ZFHX3: variants seen among roughly 807,000 people sequenced by gnomAD.
The protein encoded by ZFHX3 is zinc finger homeobox protein 3.
A neutral mutation model predicts 279.1 loss-of-function variants in ZFHX3; 42 were observed. The ratio of observed to expected loss-of-function variants is 0.15; its 90% CI spans 0.12 to 0.19. The LOEUF is 0.19. Ranked by LOEUF, ZFHX3 falls within the 10% of genes least tolerant of loss-of-function variation. The pLI, the probability that ZFHX3 is intolerant of heterozygous loss-of-function variation, is 1.00. For missense variants in ZFHX3, 4,981 were observed against 4,754.0 expected (o/e 1.05, Z -1.40); for synonymous variants, 2,293 against 1,957.8 (o/e 1.17, Z -4.52).
intron 1 of ZFHX3, among the ~76,000 whole-genome samples, chr16:73,034,847 T>G (rs897423312): frequency 6.6e-6 from 1 of 152,164 alleles, no homozygotes; most frequent in Admixed American, 6.5e-5. Flanking sequence ...AATGTCACAG[T>G]TCTATCTCCT....
intron 1 of ZFHX3, among the ~76,000 whole-genome samples, chr16:73,023,090 G>C (rs1741047364): frequency 6.6e-6 from 1 of 152,190 alleles, no homozygotes; most frequent in Non-Finnish European, 1.5e-5. Context: ...AGCCTGGCGT[G>C]GTGGCCCATG....
At chr16:73,715,487 C>T (rs908875854) in intron 1 of ZFHX3, among the ~76,000 whole-genome samples, 1 of 151,052 alleles carries the variant, frequency 6.6e-6, no homozygotes, top group Non-Finnish European at 1.5e-5. Flanking sequence ...ATGGAGGTGT[C>T]ACCATCCCAT....
intron 4 of ZFHX3, among the ~76,000 whole-genome samples, chr16:73,282,181 G>A (rs115899768): frequency 8.5e-4 from 129 of 152,262 alleles, no homozygotes; most frequent in African/African-American, 3.0e-3. Context: ...CTTGTTCCCA[G>A]TCCTAAGTAG....
chr16:72,799,516 A>C (rs1037599191), intron 8 of ZFHX3, among the ~76,000 whole-genome samples: 1 of 152,200 alleles, frequency 6.6e-6, no homozygotes. Context: ...ACAGAGGTCT[A>C]ACCATTCATC....
At chr16:73,883,705 A>G (rs528067622) in intron 1 of ZFHX3, among the ~76,000 whole-genome samples, 140 of 152,124 alleles carry the variant, frequency 9.2e-4, no homozygotes, top group African/African-American at 3.3e-3. Context: ...CTAAGTGAAT[A>G]TTTTTATAAA....
At chr16:73,596,619 C>CT (rs1309963256) in intron 2 of ZFHX3, among the ~76,000 whole-genome samples, 1 of 152,166 alleles carries the variant, frequency 6.6e-6, no homozygotes, top group Admixed American at 6.5e-5. Flanking sequence ...CCCATCTCAG[C>CT]TTTAATATTA....
intron 4 of ZFHX3, among the ~76,000 whole-genome samples, chr16:72,840,512 A>G (rs2037319624): frequency 1.3e-5 from 2 of 152,222 alleles, no homozygotes; most frequent in Admixed American, 1.3e-4. Flanking sequence ...GCAAAAAAGC[A>G]AAGAGAAAAA....
chr16:73,772,396 T>C (rs1046796436), intron 1 of ZFHX3, among the ~76,000 whole-genome samples: 110 of 152,294 alleles, frequency 7.2e-4, no homozygotes, highest in African/African-American at 2.6e-3. Flanking sequence ...CATCAGATCT[T>C]GTAAGACTTA....
chr16:73,819,983 G>A (rs1960686728), intron 1 of ZFHX3, among the ~76,000 whole-genome samples: 1 of 152,166 alleles, frequency 6.6e-6, no homozygotes, highest in Non-Finnish European at 1.5e-5. Context: ...ATGTGACCTT[G>A]CCATGCCCTT....
At chr16:73,642,194 C>A (rs2052579717) in intron 2 of ZFHX3, among the ~76,000 whole-genome samples, 1 of 152,176 alleles carries the variant, frequency 6.6e-6, no homozygotes, top group South Asian at 2.1e-4. Context: ...TTTTCTTTTA[C>A]TCAAGCACAT....
intron 2 of ZFHX3, 147 bp downstream of exon 2, chr16:72,957,277 GAAT>G (rs1485079548): frequency 2.3e-6 from 2 of 881,778 alleles, no homozygotes; most frequent in Non-Finnish European, 3.4e-6. Flanking sequence ...GGATTCTTGA[GAAT>G]ACTTGATTGT....
chr16:73,782,766 C>G (rs1245168365), intron 1 of ZFHX3, among the ~76,000 whole-genome samples: 1 of 152,194 alleles, frequency 6.6e-6, no homozygotes, highest in East Asian at 1.9e-4. Context: ...AGGTTGTATG[C>G]TGCAAGATGA....
At chr16:73,447,008 A>T (rs956381159) in intron 3 of ZFHX3, among the ~76,000 whole-genome samples, 1 of 151,896 alleles carries the variant, frequency 6.6e-6, no homozygotes, top group Non-Finnish European at 1.5e-5. Context: ...GTGAAACACC[A>T]TCTCTACTAA....
At chr16:73,044,169 G>C (rs72795152) in intron 1 of ZFHX3, among the ~76,000 whole-genome samples, 3,082 of 152,192 alleles carry the variant, frequency 0.02, 38 homozygotes, top group Non-Finnish European at 0.029. Context: ...CTCAGGCAGA[G>C]GACGGTGGTT....
At chr16:73,051,509 C>T (rs1231675448), upstream of ZFHX3, among the ~76,000 whole-genome samples, 2 of 152,044 alleles carry the variant, frequency 1.3e-5, no homozygotes, top group Non-Finnish European at 2.9e-5. Context: ...CATTTTTCTG[C>T]TGAAGCCTCA....
chr16:72,803,041 C>T (rs1449326734), intron 7 of ZFHX3, among the ~76,000 whole-genome samples: 2 of 152,136 alleles, frequency 1.3e-5, no homozygotes, highest in Non-Finnish European at 2.9e-5. Flanking sequence ...AAGTAATAAC[C>T]CAGCTGTCGG....
chr16:73,237,838 C>A (rs1453007391), intron 5 of ZFHX3, among the ~76,000 whole-genome samples: 1 of 152,126 alleles, frequency 6.6e-6, no homozygotes, highest in Admixed American at 6.5e-5. Context: ...AGGCAGAAGC[C>A]ATCCTTAACT....
At chr16:73,134,692 GA>G (rs1966758490) in intron 6 of ZFHX3, 1 of 151,914 alleles carries the variant, frequency 6.6e-6, no homozygotes, top group African/African-American at 2.4e-5. Context: ...CACTGTGGGA[GA>G]TTTTTTTTTA....
intron 2 of ZFHX3, among the ~76,000 whole-genome samples, chr16:72,954,253 C>T (rs1961138407): frequency 6.6e-6 from 1 of 152,140 alleles, no homozygotes; most frequent in Admixed American, 6.5e-5. Context: ...GCCTGTAATC[C>T]CAGCTACTCG....
Sources: gnomAD v4.1 joint callset for allele counts (sites outside exome capture counted in the v4.1 genomes callset) on GRCh38, gnomAD v4.1.1 for gene constraint, MANE v1.5 for transcripts, NCBI Gene and HGNC (gene_info 2026-07-23, HGNC 2026-07-21) for gene names.